The following RNF180 variants were observed in gnomAD, a reference collection of about 807,000 sequenced individuals.
RNF180 encodes the protein E3 ubiquitin-protein ligase RNF180.
RNF180 carries 38 observed loss-of-function variants against 59.2 expected under a neutral mutation model. The ratio of observed to expected loss-of-function variants is 0.64; its 90% CI spans 0.50 to 0.84. RNF180 has a LOEUF of 0.84. Among genes scored for constraint, RNF180 ranks in the 40% least tolerant of loss-of-function variants. The probability of loss-of-function intolerance (pLI) is 0.00; values close to 1 mark genes in which losing one functional copy is unlikely to be tolerated. For missense variants in RNF180, 705 were observed against 700.9 expected, an observed-to-expected ratio of 1.01 and a Z score of -0.07; for synonymous variants, 262 against 240.3, an observed-to-expected ratio of 1.09 and a Z score of -0.84.
In RNF180 at chr5:64,217,353, T is replaced by G; in HGVS notation, c.1192-8T>G. 1.4e-6 allele frequency: 2 copies of G among 1,390,278 alleles called. No homozygotes were observed. The highest frequency in any genetic ancestry group is 1.9e-6 in the Non-Finnish European group (2 of 1,067,682). 86.1% of individuals were successfully genotyped at this position (1,390,278 alleles called of 1,614,324 possible). A position where few individuals can be genotyped will look rare whatever the true frequency, so the allele number is the denominator to read the frequency against. ...TTTTTGTGTGAACCTAATTTTTTAT[T>G]TCTCTAGGGTAAATACTCAGGAGTG... On this transcript the variant is annotated splice_region_variant and splice_polypyrimidine_tract_variant and intron_variant, in intron 4 of 7. Coordinates refer to ENST00000389100, the MANE Select transcript of RNF180 (RefSeq NM_001113561.2).
At chr5:64,328,862 G>A (rs780501619) in intron 6 of RNF180, among the ~76,000 whole-genome samples, 4 of 152,164 alleles carry the variant, frequency 2.6e-5, no homozygotes, top group East Asian at 1.9e-4. Flanking sequence ...TGATCATTGC[G>A]GGATGAAAGT....
chr5:64,365,735 C>A (rs1746423543), intron 7 of RNF180, among the ~76,000 whole-genome samples: 1 of 151,360 alleles, frequency 6.6e-6, no homozygotes, highest in African/African-American at 2.4e-5. Context: ...ATGTAATGCC[C>A]CTCTTTGTCT....
chr5:64,201,508 A>G (rs567246687), intron 2 of RNF180, among the ~76,000 whole-genome samples: 27 of 152,350 alleles, frequency 1.8e-4, no homozygotes, highest in African/African-American at 5.0e-4. Flanking sequence ...CATGAACTAG[A>G]AAGTAATTAA....
chr5:64,350,075 CTGT>C, intron 7 of RNF180, among the ~76,000 whole-genome samples: 1 of 152,250 alleles, frequency 6.6e-6, no homozygotes, highest in South Asian at 2.1e-4. Flanking sequence ...TCCCCAGAAC[CTGT>C]TGTTTCCTGA....
intron 5 of RNF180, among the ~76,000 whole-genome samples, chr5:64,265,360 G>A (rs1415447146): frequency 6.6e-6 from 1 of 152,102 alleles, no homozygotes; most frequent in Non-Finnish European, 1.5e-5. Context: ...ATGGTTTTCA[G>A]TCTTACGTTT....
At chr5:64,195,145 AG>A (rs1370030588) in intron 1 of RNF180, among the ~76,000 whole-genome samples, 1 of 152,192 alleles carries the variant, frequency 6.6e-6, no homozygotes, top group Non-Finnish European at 1.5e-5. Context: ...CCTTCAAATA[AG>A]GAAAACTGTA....
chr5:64,165,661 G>A (rs1030359447), upstream of RNF180, among the ~76,000 whole-genome samples: 1 of 152,184 alleles, frequency 6.6e-6, no homozygotes. Context: ...GCCTGCGCGG[G>A]GTCAAAGCCC....
chr5:64,254,594 T>TA (rs1157622286), intron 5 of RNF180, among the ~76,000 whole-genome samples: 4 of 152,166 alleles, frequency 2.6e-5, no homozygotes, highest in Non-Finnish European at 5.9e-5. Flanking sequence ...GAAGCAATCA[T>TA]AAAGCAAGCC....
intron 1 of RNF180, 63 bp from the exon 2 acceptor site, chr5:64,200,745 G>A: frequency 7.1e-7 from 1 of 1,415,802 alleles, no homozygotes; most frequent in South Asian, 1.3e-5. Flanking sequence ...CCATGTTAAG[G>A]ATTTAGAAAG....
At chr5:64,184,137 C>T (rs1750755515) in intron 1 of RNF180, among the ~76,000 whole-genome samples, 1 of 152,192 alleles carries the variant, frequency 6.6e-6, no homozygotes, top group Non-Finnish European at 1.5e-5. Flanking sequence ...CAGCCATCTG[C>T]AGCCCAAGGA....
rs939867667 is a variant in RNF180 at position 64,330,314 on chromosome 5, A to G, written c.1487A>G (p.Lys496Arg). 1.3e-6 allele frequency: 2 copies of G among 1,521,834 alleles called. No individual in the cohort carries two copies. The highest frequency in any genetic ancestry group is 1.8e-6 in the Non-Finnish European group (2 of 1,124,156). The allele number at this position is 1,521,834 out of a possible 1,614,324, so 94.3% of individuals were successfully genotyped here. Residue 496 changes from lysine to arginine, a missense_variant, in exon 7 of 8, where the codon AAA becomes AGA. Coordinates refer to ENST00000389100, the MANE Select transcript of RNF180 (RefSeq NM_001113561.2). ...AATGCCACAAAAACTTTCTTTACTA[A>G]AGAATATTTGAAAATAAAACAAAGC... ...LNNATKTFFT[K>R]EYLKIKQSFQ... is the part of the protein sequence containing the mutation.
intron 5 of RNF180, among the ~76,000 whole-genome samples, chr5:64,227,914 G>T (rs1053417118): frequency 2.8e-4 from 43 of 152,222 alleles, no homozygotes; most frequent in Non-Finnish European, 1.8e-4. Context: ...CTCCATGTCT[G>T]CCCTTACCCA....
chr5:64,270,966 G>A (rs1368545111), intron 5 of RNF180, among the ~76,000 whole-genome samples: 3 of 152,016 alleles, frequency 2.0e-5, no homozygotes, highest in Non-Finnish European at 2.9e-5. Context: ...ACTTGAAATT[G>A]ACTTCTTTAA....
At chr5:64,179,543 G>A (rs1750454683) in intron 1 of RNF180, among the ~76,000 whole-genome samples, 1 of 152,002 alleles carries the variant, frequency 6.6e-6, no homozygotes, top group African/African-American at 2.4e-5. Context: ...TATTTCTGCA[G>A]CCTTTTTACT....
At position 64,353,897 on chromosome 5, in the gene RNF180, C is replaced by T. The variant is rs568448896; in HGVS notation, c.1580-15718C>T. ...TTGGGTCAAAGAAGAAAGCAAAGCA[C>T]GAGGGAAATTAGAAAATACACTGAT... On this transcript the variant is annotated intron_variant, in intron 7 of 7. Transcript: ENST00000389100. Among the ~76,000 whole-genome samples, 18 of 151,352 alleles carry T rather than the reference C, an allele frequency of 1.2e-4. 1 individual carries two copies. The highest frequency in any genetic ancestry group is 1.0e-3 in the South Asian group (5 of 4,810).
intron 7 of RNF180, among the ~76,000 whole-genome samples, chr5:64,331,615 G>A (rs944895532): frequency 2.0e-5 from 3 of 152,146 alleles, no homozygotes; most frequent in Admixed American, 6.5e-5. Context: ...CTACCACTCA[G>A]TGAAGCTCCT....
chr5:64,351,571 A>G lies in RNF180; in HGVS notation c.1580-18044A>G, dbSNP rs544047384. On this transcript the variant is annotated intron_variant, in intron 7 of 7. Transcript: ENST00000389100. ...TAAATAGCTCTTATTATTTTGAGATACATCCCATCAATACCTAATTTATTG... is the reference window on the plus strand; with the variant it reads ...TAAATAGCTCTTATTATTTTGAGATGCATCCCATCAATACCTAATTTATTG... Among the ~76,000 whole-genome samples the G allele has an allele frequency of 5.0e-3, 753 of 152,094 alleles. 10 individuals carry two copies. The highest frequency in any genetic ancestry group is 0.017 in the African/African-American group (705 of 41,550).
At chr5:64,304,618 G>A (rs1743337351) in intron 5 of RNF180, among the ~76,000 whole-genome samples, 1 of 151,662 alleles carries the variant, frequency 6.6e-6, no homozygotes, top group African/African-American at 2.4e-5. Flanking sequence ...ACAATCTCAT[G>A]ATACAATTTG....
In RNF180 at chr5:64,213,961, C is replaced by A. The variant is rs1463914513; in HGVS notation, c.635C>A (p.Pro212His). 1 of 1,614,022 alleles carries A rather than the reference C, an allele frequency of 6.2e-7. No individual in the cohort carries two copies. Among genetic ancestry groups the A allele is most frequent in the East Asian group, 2.2e-5 (1 of 44,874 alleles). Residue 212 changes from proline to histidine, a missense_variant, in exon 4 of 8, where the codon CCC becomes CAC. Transcript: ENST00000389100. ...GAACCAAAATACCAGCTTTTTGTTC[C>A]CCAGCTTGTGACTGGCAGATGCGCT... The part of the protein sequence containing the change: ...ASEPKYQLFV[P>H]QLVTGRCATR...
Sources: allele counts gnomAD v4.1 joint callset (sites outside exome capture counted in the v4.1 genomes callset), GRCh38; gene constraint gnomAD v4.1.1; transcripts MANE v1.5; gene names NCBI Gene and HGNC (gene_info 2026-07-23, HGNC 2026-07-21).